Variants in TMEM30A observed in about 807,000 individuals in gnomAD.
The protein encoded by TMEM30A is cell division cycle 50 P4-ATPase accessory subunit A, also known as cell cycle control protein 50A.
In TMEM30A, 24 loss-of-function variants were observed where a neutral mutation model predicts 38.2. That is an observed-to-expected ratio of 0.63 (90% CI 0.46 to 0.88). The LOEUF (loss-of-function observed/expected upper bound fraction) is 0.88, where lower values mean the gene tolerates loss of function less well. TMEM30A is among the 40% of genes least tolerant of loss of function. The pLI is 0.00. For synonymous variants in TMEM30A, 145 were observed against 161.6 expected (o/e 0.90, Z 0.78); for missense variants, 370 against 458.6 (o/e 0.81, Z 1.77).
rs565852455 is a variant in TMEM30A at position 75,282,518 on chromosome 6, G to T, written c.237+1884C>A. Among the ~76,000 whole-genome samples the T allele has an allele frequency of 1.8e-3, 276 of 152,116 alleles. 1 individual carries two copies. The highest frequency in any genetic ancestry group is 2.7e-3 in the Non-Finnish European group (183 of 67,984). ...TGCTATTTTCATCTTATTATCTTAA[G>T]AAGTTTAAATAAAATCATTCAAATT... On this transcript the variant is annotated intron_variant, in intron 1 of 6. Coordinates refer to ENST00000230461, the MANE Select transcript of TMEM30A (RefSeq NM_018247.4).
intron 1 of TMEM30A, among the ~76,000 whole-genome samples, chr6:75,280,477 C>T (rs969434360): frequency 1.3e-5 from 2 of 152,054 alleles, no homozygotes; most frequent in African/African-American, 4.8e-5. Flanking sequence ...ATAATATGTA[C>T]AATTTTTTGG....
intron 1 of TMEM30A, among the ~76,000 whole-genome samples, chr6:75,275,701 C>A (rs1246782756): frequency 1.3e-5 from 2 of 152,112 alleles, no homozygotes; most frequent in Admixed American, 6.5e-5. Context: ...CTACTGTGAC[C>A]ACCATCATCT....
At chr6:75,277,304 C>CA (rs1772278801) in intron 1 of TMEM30A, among the ~76,000 whole-genome samples, 1 of 36,724 alleles carries the variant, frequency 2.7e-5, no homozygotes, top group Non-Finnish European at 4.6e-5. Flanking sequence ...ATGTCCTCAT[C>CA]CAAAAAAAAA....
intron 1 of TMEM30A, among the ~76,000 whole-genome samples, chr6:75,273,224 C>T (rs565653796): frequency 2.0e-5 from 3 of 152,052 alleles, no homozygotes; most frequent in South Asian, 2.1e-4. Context: ...GCTAAGTAAC[C>T]GAGTGTTAAA....
chr6:75,265,387 T>C (rs1772052360), intron 2 of TMEM30A, 49 bp from the exon 3 acceptor site: 4 of 1,130,098 alleles, frequency 3.5e-6, no homozygotes, highest in Admixed American at 2.4e-5. Flanking sequence ...CTATTCTGTA[T>C]AAACTTATTT....
At chr6:75,256,802 G>A (rs2149517801) in intron 6 of TMEM30A, 1 of 470,902 alleles carries the variant, frequency 2.1e-6, no homozygotes, top group Non-Finnish European at 4.3e-6. Context: ...TTAACTTGCT[G>A]ATTTGGAGCA....
At chr6:75,260,534 A>C (rs1771948256) in intron 4 of TMEM30A, among the ~76,000 whole-genome samples, 1 of 152,252 alleles carries the variant, frequency 6.6e-6, no homozygotes, top group Non-Finnish European at 1.5e-5. Flanking sequence ...GCTCCTTTTC[A>C]ATGATAAAAA....
Position 75,255,917 on chromosome 6 carries a change from A to C in TMEM30A, c.*185T>G. 2.0e-6 allele frequency: 1 copy of C among 504,480 alleles called. No individual in the cohort carries two copies. Among genetic ancestry groups the C allele is most frequent in the Non-Finnish European group, 3.5e-6 (1 of 285,024 alleles). The allele number at this position is 504,480 out of a possible 1,614,324, so 31.3% of individuals were successfully genotyped here. A position where few individuals can be genotyped will look rare whatever the true frequency, so the allele number is the denominator to read the frequency against. On this transcript the variant is annotated 3_prime_UTR_variant, in exon 7 of 7. Transcript: ENST00000230461. ...TATGATCAATATAGCTAATTTTTTT[A>C]TACCCGTCATATATTTTTAGAAGTC...
chr6:75,275,179 C>A (rs1772240374), intron 1 of TMEM30A, among the ~76,000 whole-genome samples: 1 of 152,102 alleles, frequency 6.6e-6, no homozygotes, highest in Non-Finnish European at 1.5e-5. Context: ...CTAGTTCCTC[C>A]TTAGCTCCCC....
At chr6:75,284,342 G>A (rs1772418938) in intron 1 of TMEM30A, 60 bp downstream of exon 1, 2 of 1,500,996 alleles carry the variant, frequency 1.3e-6, no homozygotes, top group Admixed American at 1.7e-5. Flanking sequence ...GAAGTGGAGT[G>A]GGCGCGTAGG....
intron 1 of TMEM30A, among the ~76,000 whole-genome samples, chr6:75,270,451 C>T (rs1442087628): frequency 2.0e-5 from 3 of 152,066 alleles, no homozygotes; most frequent in Non-Finnish European, 4.4e-5. Context: ...TAGGTGAGGT[C>T]ATGAGGGTGG....
At chr6:75,261,573 C>T (rs1771965835) in intron 3 of TMEM30A, among the ~76,000 whole-genome samples, 1 of 152,166 alleles carries the variant, frequency 6.6e-6, no homozygotes, top group Non-Finnish European at 1.5e-5. Flanking sequence ...AGAGGTGTGG[C>T]AGTTATGGGA....
rs1279677141 is a variant in TMEM30A, at chr6:75,253,033, T to C, written c.*3069A>G. ...GGATAAAAAGGGGTTCTAAAACACTTTACTAGATCATCCAAACCCTACAAT... is the reference window on the plus strand; with the variant it reads ...GGATAAAAAGGGGTTCTAAAACACTCTACTAGATCATCCAAACCCTACAAT... On this transcript the variant is annotated 3_prime_UTR_variant, in exon 7 of 7. Coordinates refer to ENST00000230461, the MANE Select transcript of TMEM30A (RefSeq NM_018247.4). 3 of 151,986 alleles carry C rather than the reference T, an allele frequency of 2.0e-5. No homozygotes were observed. In the East Asian group the frequency reaches 5.8e-4, roughly 29 times the overall value. 9.4% of individuals were successfully genotyped at this position (151,986 alleles called of 1,614,324 possible).
intron 1 of TMEM30A, among the ~76,000 whole-genome samples, chr6:75,276,555 T>G (rs560936219): frequency 6.6e-6 from 1 of 151,932 alleles, no homozygotes; most frequent in East Asian, 1.9e-4. Flanking sequence ...AGGGAAAAAT[T>G]TCCACACATG....
At chr6:75,276,271 G>A (rs1772257714) in intron 1 of TMEM30A, among the ~76,000 whole-genome samples, 1 of 152,164 alleles carries the variant, frequency 6.6e-6, no homozygotes, top group South Asian at 2.1e-4. Flanking sequence ...TAAATAAAGT[G>A]TTTACCTGAG....
intron 4 of TMEM30A, 57 bp from the exon 5 acceptor site, chr6:75,259,547 G>A: frequency 6.9e-7 from 1 of 1,444,158 alleles, no homozygotes. Flanking sequence ...CATAGCATCT[G>A]CTTAACTCTA....
At chr6:75,279,064 T>C (rs1007259766) in intron 1 of TMEM30A, among the ~76,000 whole-genome samples, 2 of 148,112 alleles carry the variant, frequency 1.4e-5, no homozygotes, top group African/African-American at 4.9e-5. Context: ...TTGTGTCTCA[T>C]CTTCCCCAAA....
chr6:75,281,895 T>C (rs1339636328), intron 1 of TMEM30A, among the ~76,000 whole-genome samples: 2 of 152,174 alleles, frequency 1.3e-5, no homozygotes, highest in African/African-American at 2.4e-5. Flanking sequence ...GTATGTGTGT[T>C]TGGGGAATTT....
chr6:75,279,986 A>G (rs1394553131), intron 1 of TMEM30A, among the ~76,000 whole-genome samples: 1 of 152,176 alleles, frequency 6.6e-6, no homozygotes, highest in East Asian at 1.9e-4. Context: ...CCTTGAACTG[A>G]TTATTCCACA....
Sources: allele counts gnomAD v4.1 joint callset (sites outside exome capture counted in the v4.1 genomes callset), GRCh38; gene constraint gnomAD v4.1.1; transcripts MANE v1.5; gene names NCBI Gene and HGNC (gene_info 2026-07-23, HGNC 2026-07-21).